Variants in RGL1 observed in about 807,000 individuals in gnomAD.
RGL1 encodes the protein ral guanine nucleotide dissociation stimulator-like 1.
A neutral mutation model predicts 95.2 loss-of-function variants in RGL1; 24 were observed. The observed-to-expected ratio is 0.25, with a 90% confidence interval of 0.18 to 0.35. The LOEUF (loss-of-function observed/expected upper bound fraction) is 0.35, where lower values mean the gene tolerates loss of function less well. Among genes scored for constraint, RGL1 ranks in the 10% least tolerant of loss-of-function variants. The probability of loss-of-function intolerance (pLI) is 1.00; values close to 1 mark genes in which losing one functional copy is unlikely to be tolerated. For synonymous variants in RGL1, 329 were observed against 344.9 expected (o/e 0.95, Z 0.51); for missense variants, 715 against 936.3 (o/e 0.76, Z 3.08).
At chr1:183,747,828 T>G (rs892629476) in intron 2 of RGL1, among the ~76,000 whole-genome samples, 1 of 152,206 alleles carries the variant, frequency 6.6e-6, no homozygotes, top group Non-Finnish European at 1.5e-5. Flanking sequence ...GGTGTTGGTA[T>G]CAGGGTAAGG....
chr1:183,880,312 T>A (rs1405102648), intron 4 of RGL1, among the ~76,000 whole-genome samples: 1 of 152,206 alleles, frequency 6.6e-6, no homozygotes, highest in Non-Finnish European at 1.5e-5. Context: ...CACTAAACCT[T>A]CTACACATCA....
In RGL1 at chr1:183,856,638, T is replaced by TTA. The variant is rs769070124; in HGVS notation, c.347+8878_347+8879dup. On this transcript the variant is annotated intron_variant, in intron 3 of 17. Transcript: ENST00000360851. ...TCTCCCTGTAAATATATATATATTT[T>TTA]TATATATATATATATGTTAAGGTGT... is the stretch of plus-strand genomic sequence containing the variant. 6.0e-3 allele frequency among the ~76,000 whole-genome samples: 883 copies of TTA among 147,656 alleles called. 30 individuals carry two copies. In the East Asian group the frequency reaches 0.095, roughly 16 times the overall value.
chr1:183,813,691 G>T (rs1435622531), intron 2 of RGL1, among the ~76,000 whole-genome samples: 1 of 152,146 alleles, frequency 6.6e-6, no homozygotes, highest in Non-Finnish European at 1.5e-5. Flanking sequence ...TTATGGTTAG[G>T]TGTCCTGGTC....
At chr1:183,849,876 T>C (rs1664724190) in intron 3 of RGL1, among the ~76,000 whole-genome samples, 1 of 152,120 alleles carries the variant, frequency 6.6e-6, no homozygotes. Flanking sequence ...TTCTATAGGA[T>C]AATGTCATAG....
Position 183,765,499 on chromosome 1 carries a change from T to C in RGL1, c.132+23210T>C, listed in dbSNP as rs979760349. Among the ~76,000 whole-genome samples the C allele has an allele frequency of 3.9e-5, 6 of 152,296 alleles. No individual in the cohort carries two copies. The South Asian group carries it at 1.2e-3, about 32-fold the overall frequency. The stretch of plus-strand genomic sequence containing the variant: ...TGAGAAACAAAACAAAAAGAATCAG[T>C]AATGTTTCAAACAAAAAAGAGCCAT... On this transcript the variant is annotated intron_variant, in intron 2 of 18. Coordinates refer to the RGL1 transcript ENST00000304685.
At chr1:183,918,458 T>C (rs149379131) in intron 16 of RGL1, among the ~76,000 whole-genome samples, 10 of 152,330 alleles carry the variant, frequency 6.6e-5, no homozygotes, top group East Asian at 1.9e-4. Context: ...AGAGAGAATG[T>C]CCACTGCATA....
At chr1:183,766,318 A>C (rs1161107587) in intron 2 of RGL1, among the ~76,000 whole-genome samples, 1 of 152,038 alleles carries the variant, frequency 6.6e-6, no homozygotes, top group Non-Finnish European at 1.5e-5. Context: ...GTTTGGGATC[A>C]AAAATCACTA....
rs1456241700 is a variant in RGL1 at position 183,806,413 on chromosome 1, A to G, written c.66A>G (p.Gly22=). The G allele has an allele frequency of 6.2e-7, 1 of 1,614,022 alleles. No individual in the cohort carries two copies. Among genetic ancestry groups the G allele is most frequent in the Admixed American group, 1.7e-5 (1 of 60,012 alleles). The change falls in exon 2 of 18, where the codon GGA becomes GGG. Residue 22 remains glycine, a synonymous_variant. Transcript: ENST00000360851. ...IQDWGEEVEE[G]AVYHVTLKRV... ...ACTGGGGTGAAGAGGTAGAGGAAGGAGCTGTTTACCATGTCACCCTCAAAA... is the reference window on the plus strand; with the variant it reads ...ACTGGGGTGAAGAGGTAGAGGAAGGGGCTGTTTACCATGTCACCCTCAAAA...
chr1:183,858,829 T>G (rs980750524), intron 3 of RGL1, among the ~76,000 whole-genome samples: 1 of 152,180 alleles, frequency 6.6e-6, no homozygotes, highest in Non-Finnish European at 1.5e-5. Flanking sequence ...GTTGAGTTTT[T>G]GTAAGCTATA....
chr1:183,756,291 C>G (rs1177675413), intron 2 of RGL1, among the ~76,000 whole-genome samples: 1 of 151,768 alleles, frequency 6.6e-6, no homozygotes, highest in Non-Finnish European at 1.5e-5. Context: ...TAGAAACTAG[C>G]CTGGCAAATG....
At position 183,924,742 on chromosome 1, in the gene RGL1, C is replaced by T. The variant is rs547693960; in HGVS notation, c.2120-1363C>T. Among the ~76,000 whole-genome samples, 10 of 148,262 alleles carry T rather than the reference C, an allele frequency of 6.7e-5. 1 individual carries two copies. The South Asian group carries it at 1.9e-3, about 29-fold the overall frequency. ...GGTAGATCATCTGACGTCAGGAGTTCAAGACCAGCCTGGCCAACCTGGTGA... is the reference window on the plus strand; with the variant it reads ...GGTAGATCATCTGACGTCAGGAGTTTAAGACCAGCCTGGCCAACCTGGTGA... On this transcript the variant is annotated intron_variant, in intron 17 of 17. Transcript: ENST00000360851.
intron 13 of RGL1, among the ~76,000 whole-genome samples, chr1:183,906,017 A>G (rs1034297343): frequency 2.0e-5 from 3 of 152,178 alleles, no homozygotes; most frequent in Non-Finnish European, 4.4e-5. Flanking sequence ...GTGATCCTTT[A>G]CAGAAGAAGT....
At chr1:183,838,332 C>T (rs545715242) in intron 2 of RGL1, among the ~76,000 whole-genome samples, 2 of 152,124 alleles carry the variant, frequency 1.3e-5, no homozygotes, top group Non-Finnish European at 2.9e-5. Flanking sequence ...CTGTTTCCTT[C>T]AGGAGGGTTC....
At chr1:183,880,220 C>T (rs1428360231) in intron 4 of RGL1, among the ~76,000 whole-genome samples, 1 of 152,166 alleles carries the variant, frequency 6.6e-6, no homozygotes, top group Non-Finnish European at 1.5e-5. Context: ...TATTTCCTAA[C>T]ATATTAGGTG....
At chr1:183,652,560 A>C (rs934279559) in intron 1 of RGL1, among the ~76,000 whole-genome samples, 2 of 152,018 alleles carry the variant, frequency 1.3e-5, no homozygotes, top group African/African-American at 4.8e-5. Flanking sequence ...TATCGACCAC[A>C]GATTATCTTG....
intron 7 of RGL1, 103 bp downstream of exon 7, chr1:183,885,041 A>C: frequency 1.0e-6 from 1 of 994,040 alleles, no homozygotes. Context: ...AGGCAGTCAA[A>C]AGACCATATA....
chr1:183,850,355 C>A (rs187843061), intron 3 of RGL1, among the ~76,000 whole-genome samples: 2 of 150,564 alleles, frequency 1.3e-5, no homozygotes, highest in Non-Finnish European at 2.9e-5. Context: ...TTTTTTATAA[C>A]GACATTAACA....
At chr1:183,805,359 T>C (rs868352675) in intron 1 of RGL1, 35 bp downstream of exon 1, 2 of 1,575,756 alleles carry the variant, frequency 1.3e-6, no homozygotes, top group Middle Eastern at 1.7e-4. Context: ...CCGAGGCTTC[T>C]CTGGTGGGGA....
In RGL1 at chr1:183,748,394, C is replaced by CTTTTTTTTTT. The variant is rs56920504; in HGVS notation, c.132+6125_132+6134dup. Among the ~76,000 whole-genome samples, 29 of 69,718 alleles carry CTTTTTTTTTT rather than the reference C, an allele frequency of 4.2e-4. 6 individuals are homozygous for CTTTTTTTTTT. The highest frequency in any genetic ancestry group is 1.3e-3 in the African/African-American group (19 of 15,086). The allele number at this position is 69,718 out of a possible 152,430, so 45.7% of individuals were successfully genotyped here. ...TTTGAATTTGTTTGCTTCTCTAGTT[C>CTTTTTTTTTT]TTTTTTTTTTTTTTTTTTTTTTTTT... On this transcript the variant is annotated intron_variant, in intron 2 of 18. Transcript: ENST00000304685.
Sources: gnomAD v4.1 joint callset for allele counts (sites outside exome capture counted in the v4.1 genomes callset) on GRCh38, gnomAD v4.1.1 for gene constraint, MANE v1.5 for transcripts, NCBI Gene and HGNC (gene_info 2026-07-23, HGNC 2026-07-21) for gene names.